KAT14: variants seen among roughly 807,000 people sequenced by gnomAD.
The protein encoded by KAT14 is cysteine-rich protein 2-binding protein.
A neutral mutation model predicts 78.4 loss-of-function variants in KAT14; 66 were observed. That is an observed-to-expected ratio of 0.84 (90% CI 0.69 to 1.03). KAT14 has a LOEUF of 1.03. Ranked by LOEUF, KAT14 falls within the 50% of genes least tolerant of loss-of-function variation. The pLI, the probability that KAT14 is intolerant of heterozygous loss-of-function variation, is 0.00. For missense variants in KAT14, 870 were observed against 972.5 expected (o/e 0.89, Z 1.40); for synonymous variants, 344 against 359.4 (o/e 0.96, Z 0.48).
rs758339128 is a variant in KAT14 at position 18,184,803 on chromosome 20, T to A, written c.2172+11T>A. On this transcript the variant is annotated intron_variant, in intron 10 of 10. Transcript: ENST00000688188. ...TATCATCTGATTCAGGTAAGTTGTC[T>A]ATGTTTATGATTTATCACCTGTGTC... The A allele has an allele frequency of 2.5e-5, 40 of 1,596,352 alleles. No individual in the cohort carries two copies. The highest frequency in any genetic ancestry group is 3.4e-5 in the Non-Finnish European group (40 of 1,172,964).
intron 7 of KAT14, among the ~76,000 whole-genome samples, chr20:18,177,613 T>A (rs914927479): frequency 6.6e-6 from 1 of 152,230 alleles, no homozygotes; most frequent in African/African-American, 2.4e-5. Flanking sequence ...GTGTCCAGTT[T>A]GGGAAGGTAT....
intron 7 of KAT14, among the ~76,000 whole-genome samples, chr20:18,177,247 G>A (rs963937398): frequency 2.6e-5 from 4 of 152,274 alleles, no homozygotes; most frequent in South Asian, 4.1e-4. Flanking sequence ...GGAATGACCA[G>A]GAGAGCCTCT....
chr20:18,138,569 C>G, intron 1 of KAT14: 1 of 548,312 alleles, frequency 1.8e-6, no homozygotes, highest in Non-Finnish European at 2.3e-6. Flanking sequence ...GGGAGCCCCC[C>G]TTCCCCGTAC....
intron 9 of KAT14, 58 bp downstream of exon 9, chr20:18,183,356 T>C (rs1182075513): frequency 1.7e-5 from 25 of 1,494,818 alleles, no homozygotes; most frequent in Admixed American, 1.7e-4. Context: ...ATTCTAGCAA[T>C]TTTTAAAATT....
In KAT14 at chr20:18,187,908, C is replaced by G. The variant is rs1417223996; in HGVS notation, c.*449C>G. On this transcript the variant is annotated 3_prime_UTR_variant, in exon 11 of 11. Transcript: ENST00000688188. Reference sequence around the variant, plus strand: ...ATAAGGTGATTTCATAAAAGGAATCCAACCCTGTGCCCGGCCATTGATGTG... The same window carrying G: ...ATAAGGTGATTTCATAAAAGGAATCGAACCCTGTGCCCGGCCATTGATGTG... 1 of 161,404 alleles carries G rather than the reference C, an allele frequency of 6.2e-6. No homozygotes were observed. Among genetic ancestry groups the G allele is most frequent in the Non-Finnish European group, 1.3e-5 (1 of 74,686 alleles). The allele number at this position is 161,404 out of a possible 1,614,324, so 10.0% of individuals were successfully genotyped here.
upstream of KAT14, among the ~76,000 whole-genome samples, chr20:18,137,187 G>T (rs773806513): frequency 6.6e-6 from 1 of 152,174 alleles, no homozygotes; most frequent in Non-Finnish European, 1.5e-5. Context: ...TAATCCTCTC[G>T]GGAGGCTGAG....
rs2037360058 is a variant in KAT14, at chr20:18,138,059, T to A, written c.-454+8T>A. On this transcript the variant is annotated splice_region_variant and intron_variant, in intron 1 of 10. Transcript: ENST00000688188. Reference sequence around the variant, plus strand: ...CAGCAGTGGGACCAGCAGGTCGGTGTCACGTGACCGTCTCTTCCGGGCCCG... The same window carrying A: ...CAGCAGTGGGACCAGCAGGTCGGTGACACGTGACCGTCTCTTCCGGGCCCG... 1.4e-6 allele frequency: 2 copies of A among 1,470,520 alleles called. No homozygotes were observed. The highest frequency in any genetic ancestry group is 3.5e-4 in the Middle Eastern group (2 of 5,782). 91.1% of individuals were successfully genotyped at this position (1,470,520 alleles called of 1,614,324 possible). A position where few individuals can be genotyped will look rare whatever the true frequency, so the allele number is the denominator to read the frequency against.
rs771476903 is a variant in KAT14, at chr20:18,161,932, T to G, written c.792T>G (p.Thr264=). Residue 264 remains threonine, a synonymous_variant, in exon 6 of 11, where the codon ACT becomes ACG. Coordinates refer to ENST00000688188, the MANE Select transcript of KAT14 (RefSeq NM_001392073.1). ...AMELKEKRSR[T]QEAKDIRRAQ... is the part of the protein sequence containing the mutation. ...AATTAAAAGAGAAAAGGTCTCGAACTCAGGAAGCAAAAGACATTAGAAGAG... is the reference window on the plus strand; with the variant it reads ...AATTAAAAGAGAAAAGGTCTCGAACGCAGGAAGCAAAAGACATTAGAAGAG... The G allele has an allele frequency of 6.2e-7, 1 of 1,614,238 alleles. No individual in the cohort carries two copies. Among genetic ancestry groups the G allele is most frequent in the Non-Finnish European group, 8.5e-7 (1 of 1,180,044 alleles).
chr20:18,140,557 C>G (rs1413249678), intron 1 of KAT14, among the ~76,000 whole-genome samples: 2 of 152,006 alleles, frequency 1.3e-5, no homozygotes, highest in African/African-American at 4.8e-5. Flanking sequence ...TGCCTGTAAT[C>G]CCAGCACTTT....
chr20:18,160,973 G>A (rs1452427861), intron 5 of KAT14, among the ~76,000 whole-genome samples: 1 of 152,012 alleles, frequency 6.6e-6, no homozygotes, highest in African/African-American at 2.4e-5. Flanking sequence ...TCAGGAGTTC[G>A]AGACCAGCCT....
At chr20:18,166,749 T>C (rs1359564961) in intron 7 of KAT14, among the ~76,000 whole-genome samples, 1 of 152,198 alleles carries the variant, frequency 6.6e-6, no homozygotes, top group African/African-American at 2.4e-5. Context: ...TACCTTGTTA[T>C]AGGTTTATTC....
Position 18,142,649 on chromosome 20 carries a change from G to C in KAT14, c.-12G>C. The C allele has an allele frequency of 5.6e-6, 9 of 1,613,704 alleles. No homozygotes were observed. Among genetic ancestry groups the C allele is most frequent in the Non-Finnish European group, 7.6e-6 (9 of 1,179,636 alleles). Reference sequence around the variant, plus strand: ...TACTGAGAAGCACTGCCGAGCTTGTGAGAAGGAAGGGATGGATAGTAGCAT... The same window carrying C: ...TACTGAGAAGCACTGCCGAGCTTGTCAGAAGGAAGGGATGGATAGTAGCAT... On this transcript the variant is annotated 5_prime_UTR_variant, in exon 2 of 11. Coordinates refer to ENST00000688188, the MANE Select transcript of KAT14 (RefSeq NM_001392073.1).
chr20:18,177,134 T>C (rs546534455), intron 7 of KAT14, among the ~76,000 whole-genome samples: 18 of 152,360 alleles, frequency 1.2e-4, no homozygotes, highest in Non-Finnish European at 2.2e-4. Context: ...GTATCTTTTT[T>C]CTGATTCTGT....
At chr20:18,179,877 GT>G (rs369185926) in intron 7 of KAT14, among the ~76,000 whole-genome samples, 1 of 150,282 alleles carries the variant, frequency 6.7e-6, no homozygotes, top group South Asian at 2.1e-4. Context: ...TTTGTTTTTT[GT>G]TTTTTTTTGA....
rs1371406161 is a variant in KAT14 at position 18,152,223 on chromosome 20, A to G, written c.500+1281A>G. Among the ~76,000 whole-genome samples, 7 of 151,904 alleles carry G rather than the reference A, an allele frequency of 4.6e-5. 1 individual carries two copies. Among genetic ancestry groups the G allele is most frequent in the Admixed American group, 4.6e-4 (7 of 15,210 alleles). On this transcript the variant is annotated intron_variant, in intron 4 of 10. Transcript: ENST00000688188. ...CTCAGGAGACCAAGGTTGGAGGATC[A>G]CTCGAGCCCAGGAGTTTGAAGCCAG...
chr20:18,149,342 C>G (rs2037953827), intron 3 of KAT14, among the ~76,000 whole-genome samples: 1 of 152,164 alleles, frequency 6.6e-6, no homozygotes, highest in East Asian at 1.9e-4. Context: ...AAATGAAACT[C>G]CGTGCCCATT....
intron 7 of KAT14, among the ~76,000 whole-genome samples, chr20:18,168,573 T>G (rs1422491832): frequency 1.3e-5 from 2 of 152,194 alleles, no homozygotes; most frequent in Admixed American, 6.5e-5. Flanking sequence ...AGTGGCCTCC[T>G]TGTTTTATTC....
At chr20:18,158,977 G>A (rs2038319695) in intron 4 of KAT14, 107 bp from the exon 5 acceptor site, 9 of 1,327,598 alleles carry the variant, frequency 6.8e-6, no homozygotes, top group African/African-American at 3.0e-5. Context: ...TTCAGTAGCT[G>A]GAGGTGCCAT....
rs1267676439 is a variant in KAT14 at position 18,142,278 on chromosome 20, G to A, written c.-383G>A. 5.9e-6 allele frequency: 9 copies of A among 1,537,108 alleles called. No homozygotes were observed. The highest frequency in any genetic ancestry group is 7.8e-6 in the Non-Finnish European group (9 of 1,146,908). On this transcript the variant is annotated 5_prime_UTR_variant, in exon 2 of 11. Transcript: ENST00000688188. ...AAAAAAGAAAACATTCGTCTTTTGGGAGAACAGATTATTTTGACTGAGCAA... is the reference window on the plus strand; with the variant it reads ...AAAAAAGAAAACATTCGTCTTTTGGAAGAACAGATTATTTTGACTGAGCAA...
Sources: allele counts gnomAD v4.1 joint callset (sites outside exome capture counted in the v4.1 genomes callset), GRCh38; gene constraint gnomAD v4.1.1; transcripts MANE v1.5; gene names NCBI Gene and HGNC (gene_info 2026-07-23, HGNC 2026-07-21).